Variants in VWA2 observed in about 807,000 individuals in gnomAD.
VWA2 encodes von Willebrand factor A domain containing 2, also known as von Willebrand factor A domain-containing protein 2.
Under a neutral mutation model 70.4 loss-of-function variants are expected in VWA2, and 73 were observed. The observed-to-expected ratio is 1.04, with a 90% CI of 0.86 to 1.26. VWA2 has a LOEUF of 1.26. Ranked by LOEUF, VWA2 falls within the 50% of genes most tolerant of loss-of-function variation. VWA2 has a pLI of 0.00. For synonymous variants in VWA2, 407 were observed against 423.3 expected, an observed-to-expected ratio of 0.96 and a Z score of 0.47; for missense variants, 1,011 against 998.5, an observed-to-expected ratio of 1.01 and a Z score of -0.17.
At chr10:114,267,762 A>C (rs2037605573) in intron 5 of VWA2, among the ~76,000 whole-genome samples, 1 of 152,064 alleles carries the variant, frequency 6.6e-6, no homozygotes, top group Admixed American at 6.6e-5. Flanking sequence ...TATTTTTCTT[A>C]GTCCGTTTCA....
chr10:114,291,575 T>A lies in VWA2; in HGVS notation c.*338T>A, dbSNP rs2039602133. ...CTTTCCCTTGAGGATAAACAAGGGG[T>A]CCTGAAGACTTAAATTTAGCGGCCT... is the stretch of plus-strand genomic sequence containing the variant. On this transcript the variant is annotated 3_prime_UTR_variant, in exon 14 of 14. Transcript: ENST00000392982. The A allele has an allele frequency of 7.2e-6, 2 of 278,532 alleles. No individual in the cohort carries two copies. Among genetic ancestry groups the A allele is most frequent in the Non-Finnish European group, 1.4e-5 (2 of 147,904 alleles). The allele number at this position is 278,532 out of a possible 1,614,324, so 17.3% of individuals were successfully genotyped here. A position where few individuals can be genotyped will look rare whatever the true frequency, so the allele number is the denominator to read the frequency against.
At chr10:114,252,553 T>C (rs1428201790) in intron 2 of VWA2, among the ~76,000 whole-genome samples, 2 of 152,066 alleles carry the variant, frequency 1.3e-5, no homozygotes, top group Non-Finnish European at 2.9e-5. Context: ...AACCCTCTTT[T>C]GGCGTCTCTC....
intron 7 of VWA2, 23 bp downstream of exon 7, chr10:114,278,070 G>T (rs934695545): frequency 6.3e-7 from 1 of 1,599,736 alleles, no homozygotes; most frequent in Non-Finnish European, 8.6e-7. Context: ...AGCCTGGAGG[G>T]AGTGGAAGTG....
At position 114,244,574 on chromosome 10, in the gene VWA2, C is replaced by T. The variant is rs147297621; in HGVS notation, c.-10-4130C>T. 2.2e-3 allele frequency among the ~76,000 whole-genome samples: 328 copies of T among 152,058 alleles called. 6 individuals carry two copies. Among genetic ancestry groups the T allele is most frequent in the African/African-American group, 7.5e-3 (309 of 41,422 alleles). On this transcript the variant is annotated intron_variant, in intron 1 of 13. Coordinates refer to ENST00000392982, the MANE Select transcript of VWA2 (RefSeq NM_001272046.2). The stretch of plus-strand genomic sequence containing the variant: ...GAGCCTGTGTGTCTTGTGGCAGGCA[C>T]ATAAGAAATGCTCATTACATGGTAG...
chr10:114,253,720 G>T lies in VWA2; in HGVS notation c.122G>T (p.Ser41Ile). The T allele has an allele frequency of 6.2e-7, 1 of 1,612,220 alleles. No individual in the cohort carries two copies. Among genetic ancestry groups the T allele is most frequent in the Non-Finnish European group, 8.5e-7 (1 of 1,179,684 alleles). Reference sequence around the variant, plus strand: ...ACCATCGGGAAGATTTCAGCTGCCAGCAAAAGTAAGCCCAGGTTCTTCTTA... The same window carrying T: ...ACCATCGGGAAGATTTCAGCTGCCATCAAAAGTAAGCCCAGGTTCTTCTTA... ...KETIGKISAA[S>I]KMMWCSAAVD... The change falls in exon 3 of 14, where the codon AGC becomes ATC. Residue 41 changes from serine to isoleucine, a missense_variant. Transcript: ENST00000392982.
rs113901745 is a variant in VWA2, at chr10:114,272,941, G to A, written c.566+7G>A. ...TGGGGGTCAGGTTTCCCAGGTAAGA[G>A]CCTCAGTCACCCTGGATCAGCCCTC... On this transcript the variant is annotated splice_region_variant and intron_variant, in intron 6 of 13. Transcript: ENST00000392982. 158 of 1,606,154 alleles carry A rather than the reference G, an allele frequency of 9.8e-5. No individual in the cohort carries two copies. In the African/African-American group the frequency reaches 1.7e-3, roughly 17 times the overall value.
chr10:114,275,859 C>T (rs945240573), intron 6 of VWA2, among the ~76,000 whole-genome samples: 1 of 152,150 alleles, frequency 6.6e-6, no homozygotes, highest in Non-Finnish European at 1.5e-5. Context: ...ACCCAGGAAG[C>T]AGAGGTTACA....
Position 114,290,239 on chromosome 10 carries a change from G to T in VWA2, c.2123-1G>T. 6.5e-7 allele frequency: 1 copy of T among 1,550,372 alleles called. No individual in the cohort carries two copies. The highest frequency in any genetic ancestry group is 1.7e-4 in the Middle Eastern group (1 of 5,992). On this transcript the variant is annotated splice_acceptor_variant, in intron 12 of 13. Transcript: ENST00000392982. LOFTEE classifies it high-confidence loss of function. ...GGTGGGTATGGTGTTCTCCATTGTA[G>T]AAGCCAAGCAGCCAGTCAACCTCTG...
At chr10:114,264,604 A>G (rs1288896944) in intron 5 of VWA2, among the ~76,000 whole-genome samples, 2 of 151,694 alleles carry the variant, frequency 1.3e-5, no homozygotes, top group African/African-American at 4.8e-5. Flanking sequence ...TATTTTTAGT[A>G]GAGATGGGGT....
In VWA2 at chr10:114,289,148, T is replaced by A. The variant is rs2039278313; in HGVS notation, c.1781T>A (p.Met594Lys). ...GLDTKPTRAA[M>K]LRAISQAPYL... is the part of the protein sequence containing the mutation. ...GACACCAAACCCACCCGGGCTGCGA[T>A]GCTGCGGGCCATTAGCCAGGCCCCC... The change falls in exon 12 of 14, where the codon ATG becomes AAG. Residue 594 changes from methionine to lysine, a missense_variant. By Grantham distance (95) the Met-to-Lys change is moderately conservative. Transcript: ENST00000392982. The A allele has an allele frequency of 1.9e-6, 3 of 1,613,806 alleles. No individual in the cohort carries two copies. The highest frequency in any genetic ancestry group is 2.2e-5 in the South Asian group (2 of 91,070).
At position 114,286,271 on chromosome 10, in the gene VWA2, C is replaced by T. The variant is rs534244168; in HGVS notation, c.1330C>T (p.Arg444Trp). Residue 444 changes from arginine to tryptophan, a missense_variant, in exon 11 of 14, where the codon CGG becomes TGG. Physicochemically the swap from Arg to Trp is moderately radical, Grantham distance 101. Transcript: ENST00000392982. ...FGSATRTGQD[R>W]PRRVVVLLTE... ...GAGCGCCACCAGGACAGGCCAGGAC[C>T]GGCCACGTAGAGTGGTGGTTTTGCT... 5.0e-6 allele frequency: 8 copies of T among 1,611,170 alleles called. No individual in the cohort carries two copies. Among genetic ancestry groups the T allele is most frequent in the East Asian group, 4.5e-5 (2 of 44,804 alleles).
intron 1 of VWA2, among the ~76,000 whole-genome samples, chr10:114,245,293 G>A (rs990341994): frequency 1.3e-5 from 2 of 152,190 alleles, no homozygotes; most frequent in African/African-American, 2.4e-5. Context: ...CTCATAGCAC[G>A]GAGGGAAGGG....
chr10:114,258,725 G>A (rs1469833197), intron 4 of VWA2, among the ~76,000 whole-genome samples: 2 of 152,150 alleles, frequency 1.3e-5, no homozygotes, highest in Non-Finnish European at 2.9e-5. Flanking sequence ...TTTTCCATTT[G>A]CCCTGTCCCT....
Position 114,290,021 on chromosome 10 carries a change from T to C in VWA2, c.2123-219T>C, listed in dbSNP as rs942069917. The C allele has an allele frequency of 2.9e-5, 13 of 451,420 alleles. No homozygotes were observed. The Admixed American group carries it at 3.9e-4, about 13-fold the overall frequency. 28.0% of individuals were successfully genotyped at this position (451,420 alleles called of 1,614,324 possible). ...AAAAAAAAAAAAAAAGTCTGCCATG[T>C]GTATGGCACGTCTGAGCAATGGACT... On this transcript the variant is annotated intron_variant, in intron 12 of 13. Transcript: ENST00000392982.
intron 2 of VWA2, among the ~76,000 whole-genome samples, chr10:114,253,142 TGTG>T (rs1341184148): frequency 4.2e-5 from 6 of 143,418 alleles, no homozygotes; most frequent in African/African-American, 1.6e-4. Context: ...TCAGCAATCC[TGTG>T]GCCTCCTCAG....
At chr10:114,259,110 A>T (rs866848048) in intron 4 of VWA2, among the ~76,000 whole-genome samples, 7 of 152,212 alleles carry the variant, frequency 4.6e-5, no homozygotes, top group East Asian at 3.8e-4. Flanking sequence ...AATAAATATT[A>T]AAAAATTGCC....
chr10:114,278,937 T>G, intron 8 of VWA2, 86 bp downstream of exon 8: 17 of 1,546,796 alleles, frequency 1.1e-5, no homozygotes, highest in Non-Finnish European at 1.3e-5. Flanking sequence ...TTTGGGGCCC[T>G]GCCATGGAGA....
chr10:114,281,922 T>A (rs770364473), intron 8 of VWA2, among the ~76,000 whole-genome samples: 3 of 152,144 alleles, frequency 2.0e-5, no homozygotes, highest in Non-Finnish European at 4.4e-5. Context: ...ATCGTAAGCC[T>A]CAGAAAGTAA....
At position 114,261,308 on chromosome 10, in the gene VWA2, A is replaced by G. The variant is rs773170909; in HGVS notation, c.371+13A>G. ...GGATGGTTTTCAAGTATGTATGATC[A>G]GATACTGCTGTGGTTAGGGTGACGC... On this transcript the variant is annotated intron_variant, in intron 5 of 13. Transcript: ENST00000392982. 44 of 1,606,616 alleles carry G rather than the reference A, an allele frequency of 2.7e-5. No homozygotes were observed. The highest frequency in any genetic ancestry group is 3.4e-5 in the Non-Finnish European group (40 of 1,173,120).
Sources: gnomAD v4.1 joint callset for allele counts (sites outside exome capture counted in the v4.1 genomes callset) on GRCh38, gnomAD v4.1.1 for gene constraint, MANE v1.5 for transcripts, NCBI Gene and HGNC (gene_info 2026-07-23, HGNC 2026-07-21) for gene names.